Variants in CALN1 observed in about 807,000 individuals in gnomAD.
CALN1 encodes the protein calcium-binding protein 8.
CALN1 carries 17 observed loss-of-function variants against 30.6 expected under a neutral mutation model. The observed-to-expected ratio is 0.56, with a 90% confidence interval of 0.38 to 0.83. The LOEUF (loss-of-function observed/expected upper bound fraction) is 0.83. Among genes scored for constraint, CALN1 ranks in the 40% least tolerant of loss-of-function variants. CALN1 has a pLI of 0.00. For synonymous variants in CALN1, 156 were observed against 131.4 expected (o/e 1.19, Z -1.28); for missense variants, 291 against 354.9 (o/e 0.82, Z 1.45).
chr7:71,910,816 G>T (rs1371895912), intron 5 of CALN1, among the ~76,000 whole-genome samples: 1 of 151,944 alleles, frequency 6.6e-6, no homozygotes, highest in Non-Finnish European at 1.5e-5. Context: ...CTATGAACCT[G>T]GGCACTACCA....
At chr7:72,368,641 G>T (rs114903551) in intron 2 of CALN1, among the ~76,000 whole-genome samples, 1 of 151,900 alleles carries the variant, frequency 6.6e-6, no homozygotes, top group Non-Finnish European at 1.5e-5. Flanking sequence ...CAGATCATAC[G>T]GAGGTCATCT....
At position 72,265,180 on chromosome 7, in the gene CALN1, G is replaced by A. The variant is rs867404064; in HGVS notation, c.244+13506C>T. Among the ~76,000 whole-genome samples the A allele has an allele frequency of 2.0e-5, 3 of 152,188 alleles. No individual in the cohort carries two copies. The South Asian group carries it at 6.2e-4, about 32-fold the overall frequency. On this transcript the variant is annotated intron_variant, in intron 3 of 6. Coordinates refer to ENST00000395275, the MANE Select transcript of CALN1 (RefSeq NM_031468.4). ...GTAATATGGCAATACAGGTCTGGAT[G>A]TAAATTCAACACTCTTCCTTCTTGA...
At chr7:72,021,961 C>T in intron 5 of CALN1, among the ~76,000 whole-genome samples, 1 of 152,142 alleles carries the variant, frequency 6.6e-6, no homozygotes, top group Non-Finnish European at 1.5e-5. Flanking sequence ...ATCAGCCTCA[C>T]CTCTTCTGTT....
the CALN1 span, among the ~76,000 whole-genome samples, chr7:72,497,074 A>G: frequency 2.0e-5 from 3 of 152,146 alleles, no homozygotes; most frequent in Non-Finnish European, 4.4e-5. Flanking sequence ...CAATGAGCCC[A>G]GAGGAAAGGA....
the CALN1 span, among the ~76,000 whole-genome samples, chr7:72,468,724 C>T: frequency 2.0e-5 from 3 of 152,182 alleles, no homozygotes; most frequent in Non-Finnish European, 4.4e-5. Context: ...TTCTTGCCAA[C>T]ACTTAAATTT....
At chr7:71,863,173 T>C (rs1791391485) in intron 5 of CALN1, among the ~76,000 whole-genome samples, 1 of 151,930 alleles carries the variant, frequency 6.6e-6, no homozygotes. Flanking sequence ...GTGGGGAGAT[T>C]GCTTGGGCCT....
rs141050896 is a variant in CALN1 at position 71,875,820 on chromosome 7, G to GGGGA, written c.502-65332_502-65329dup. Among the ~76,000 whole-genome samples, 418 of 152,302 alleles carry GGGGA rather than the reference G, an allele frequency of 2.7e-3. 3 individuals are homozygous for GGGGA. Among genetic ancestry groups the GGGGA allele is most frequent in the African/African-American group, 9.7e-3 (402 of 41,578 alleles). On this transcript the variant is annotated intron_variant, in intron 5 of 6. Transcript: ENST00000395275. ...GGTCTGTGTTATTGGGAGACTCCAT[G>GGGGA]GGGAGAACTTTAAAAGTGGTCTGTT...
In CALN1 at chr7:71,991,771, G is replaced by A. The variant is rs547952183; in HGVS notation, c.501+31886C>T. On this transcript the variant is annotated intron_variant, in intron 5 of 6. Coordinates refer to ENST00000395275, the MANE Select transcript of CALN1 (RefSeq NM_031468.4). Reference sequence around the variant, plus strand: ...TTTACTTAGAGGAAGGTTGTGGCTGGTGCCATTTGTGGTATGGCCAGAAGC... The same window carrying A: ...TTTACTTAGAGGAAGGTTGTGGCTGATGCCATTTGTGGTATGGCCAGAAGC... Among the ~76,000 whole-genome samples, 304 of 152,324 alleles carry A rather than the reference G, an allele frequency of 2.0e-3. 2 individuals carry two copies. The highest frequency in any genetic ancestry group is 3.4e-3 in the Middle Eastern group (1 of 294).
chr7:72,079,761 C>CTTTTTTTTTTT lies in CALN1; in HGVS notation c.388+26379_388+26389dup, dbSNP rs3065015. Among the ~76,000 whole-genome samples the CTTTTTTTTTTT allele has an allele frequency of 5.6e-3, 585 of 103,996 alleles. 34 individuals carry two copies. Among genetic ancestry groups the CTTTTTTTTTTT allele is most frequent in the South Asian group, 0.017 (48 of 2,888 alleles). 68.2% of individuals were successfully genotyped at this position (103,996 alleles called of 152,430 possible). A position where few individuals can be genotyped will look rare whatever the true frequency, so the allele number is the denominator to read the frequency against. On this transcript the variant is annotated intron_variant, in intron 4 of 6. Coordinates refer to ENST00000395275, the MANE Select transcript of CALN1 (RefSeq NM_031468.4). Reference sequence around the variant, plus strand: ...AAATGCCCAAGAGGTTGCCTTTTTCCTTTTTTTTTTTTTTTTTTTTTTTTT... The same window carrying CTTTTTTTTTTT: ...AAATGCCCAAGAGGTTGCCTTTTTCCTTTTTTTTTTTTTTTTTTTTTTTTTTTTTTTTTTTT...
At chr7:72,001,999 TAA>T (rs1489540850) in intron 5 of CALN1, among the ~76,000 whole-genome samples, 1 of 152,124 alleles carries the variant, frequency 6.6e-6, no homozygotes, top group Non-Finnish European at 1.5e-5. Context: ...CCATTCATGA[TAA>T]AAACTTTCAG....
intron 5 of CALN1, among the ~76,000 whole-genome samples, chr7:71,940,116 G>A (rs1796050669): frequency 6.6e-6 from 1 of 152,196 alleles, no homozygotes; most frequent in African/African-American, 2.4e-5. Flanking sequence ...AAACCTGGAA[G>A]TTTACCAGGG....
intron 2 of CALN1, among the ~76,000 whole-genome samples, chr7:72,291,166 G>T (rs1222015016): frequency 1.3e-5 from 2 of 151,978 alleles, no homozygotes; most frequent in Admixed American, 6.6e-5. Context: ...CAAGTGATCT[G>T]CCCACCTTAG....
intron 2 of CALN1, among the ~76,000 whole-genome samples, chr7:72,364,053 C>T (rs1803729068): frequency 8.0e-6 from 1 of 124,708 alleles, no homozygotes; most frequent in Non-Finnish European, 1.7e-5. Flanking sequence ...GTTTTTAATT[C>T]AAAATTGCAG....
chr7:71,872,887 T>C (rs1792020962), intron 5 of CALN1, among the ~76,000 whole-genome samples: 1 of 152,070 alleles, frequency 6.6e-6, no homozygotes, highest in African/African-American at 2.4e-5. Context: ...GTGCTGAGAT[T>C]ACAAGCATGA....
At chr7:72,372,313 G>A (rs533357745) in intron 2 of CALN1, among the ~76,000 whole-genome samples, 2 of 152,216 alleles carry the variant, frequency 1.3e-5, no homozygotes, top group African/African-American at 2.4e-5. Flanking sequence ...CCAAATGGAT[G>A]GGAAAAACTT....
intron 6 of CALN1, among the ~76,000 whole-genome samples, chr7:71,801,158 G>A (rs1393387932): frequency 1.3e-5 from 2 of 152,062 alleles, no homozygotes; most frequent in African/African-American, 4.8e-5. Flanking sequence ...CCTTTTTATG[G>A]CTGCATAGTA....
At chr7:71,962,691 G>A (rs546637450) in intron 5 of CALN1, among the ~76,000 whole-genome samples, 6 of 152,290 alleles carry the variant, frequency 3.9e-5, no homozygotes, top group African/African-American at 7.2e-5. Context: ...TTTGGGTGCC[G>A]TGAGGAGAAG....
At chr7:72,231,814 A>C (rs1002624280) in intron 3 of CALN1, among the ~76,000 whole-genome samples, 2 of 152,202 alleles carry the variant, frequency 1.3e-5, no homozygotes, top group African/African-American at 4.8e-5. Flanking sequence ...ATGCTGTGGA[A>C]TGCCTGGGCT....
intron 3 of CALN1, among the ~76,000 whole-genome samples, chr7:72,122,787 C>T (rs1279815190): frequency 6.6e-6 from 1 of 152,156 alleles, no homozygotes; most frequent in Non-Finnish European, 1.5e-5. Context: ...CAACTCAATT[C>T]AACAAACGTT....
Sources: gnomAD v4.1 joint callset for allele counts (sites outside exome capture counted in the v4.1 genomes callset) on GRCh38, gnomAD v4.1.1 for gene constraint, MANE v1.5 for transcripts, NCBI Gene and HGNC (gene_info 2026-07-23, HGNC 2026-07-21) for gene names.